PRICKLE2: variants seen among roughly 807,000 people sequenced by gnomAD.
PRICKLE2 encodes prickle planar cell polarity protein 2, also known as prickle-like protein 2.
PRICKLE2 carries 21 observed loss-of-function variants against 81.4 expected under a neutral mutation model. The ratio of observed to expected loss-of-function variants is 0.26; its 90% CI spans 0.18 to 0.37. The LOEUF is 0.37. Ranked by LOEUF, PRICKLE2 falls within the 10% of genes least tolerant of loss-of-function variation. The pLI is 1.00. For missense variants in PRICKLE2, 940 were observed against 1,109.0 expected, an observed-to-expected ratio of 0.85 and a Z score of 2.16; for synonymous variants, 456 against 421.5, an observed-to-expected ratio of 1.08 and a Z score of -1.00.
intron 7 of PRICKLE2, among the ~76,000 whole-genome samples, chr3:64,110,718 G>T (rs1036386568): frequency 2.1e-4 from 32 of 151,988 alleles, no homozygotes; most frequent in African/African-American, 7.5e-4. Flanking sequence ...AAGGTGCCAC[G>T]AGCTCTAAGA....
chr3:64,149,295 A>G (rs924169968), intron 6 of PRICKLE2, among the ~76,000 whole-genome samples: 1 of 152,214 alleles, frequency 6.6e-6, no homozygotes, highest in Non-Finnish European at 1.5e-5. Flanking sequence ...TAGGCCAGCA[A>G]AAAAAATCTG....
chr3:64,244,617 TGTGTGTG>T (rs1179188896), intron 2 of PRICKLE2, among the ~76,000 whole-genome samples: 2 of 151,708 alleles, frequency 1.3e-5, no homozygotes, highest in Non-Finnish European at 2.9e-5. Flanking sequence ...TGTGTGTGTG[TGTGTGTG>T]TGTGTGTGTG....
chr3:64,170,724 A>G (rs998600449), intron 2 of PRICKLE2, among the ~76,000 whole-genome samples: 4 of 150,742 alleles, frequency 2.7e-5, no homozygotes, highest in African/African-American at 4.9e-5. Context: ...AAAAAAAAAA[A>G]ACAGCCTGGC....
intron 6 of PRICKLE2, among the ~76,000 whole-genome samples, chr3:64,151,316 C>T (rs1331823247): frequency 2.6e-5 from 4 of 152,160 alleles, no homozygotes; most frequent in Non-Finnish European, 5.9e-5. Flanking sequence ...TACTGCAGGC[C>T]ACCATGGTCA....
In PRICKLE2 at chr3:64,147,774, G is replaced by C. The variant is rs774959203; in HGVS notation, c.788-72C>G. 2.6e-6 allele frequency: 4 copies of C among 1,545,538 alleles called. No homozygotes were observed. Among genetic ancestry groups the C allele is most frequent in the Non-Finnish European group, 8.9e-7 (1 of 1,119,884 alleles). ...TCTGCACTGGGACGTGAAACACATA[G>C]CACCTTGGTTTGTCTCAGGATTCCA... On this transcript the variant is annotated intron_variant, in intron 6 of 7. Transcript: ENST00000638394. The surrounding 1 kb of genome is among the most constrained non-coding windows in gnomAD (Gnocchi z 5.0).
intron 7 of PRICKLE2, among the ~76,000 whole-genome samples, chr3:64,112,252 C>G (rs1397499245): frequency 6.6e-6 from 1 of 152,148 alleles, no homozygotes; most frequent in Non-Finnish European, 1.5e-5. Context: ...TATGCATTTC[C>G]CACTGGTCTC....
At chr3:64,176,356 G>A (rs1243711028) in intron 2 of PRICKLE2, among the ~76,000 whole-genome samples, 1 of 152,124 alleles carries the variant, frequency 6.6e-6, no homozygotes, top group African/African-American at 2.4e-5. Flanking sequence ...TGTCCTACAT[G>A]GTATCTTTTC....
At chr3:64,237,345 T>C (rs1184517116) in intron 2 of PRICKLE2, among the ~76,000 whole-genome samples, 2 of 152,036 alleles carry the variant, frequency 1.3e-5, no homozygotes, top group Non-Finnish European at 2.9e-5. Flanking sequence ...ATGTGGAGGA[T>C]TTTATTGCCA....
At chr3:64,144,864 G>A (rs1266750343) in intron 7 of PRICKLE2, among the ~76,000 whole-genome samples, 3 of 152,242 alleles carry the variant, frequency 2.0e-5, no homozygotes, top group Admixed American at 6.5e-5. Context: ...GGATGGCACC[G>A]CAACATCGAA....
chr3:64,105,196 C>A (rs1441406344), intron 7 of PRICKLE2, among the ~76,000 whole-genome samples: 2 of 151,588 alleles, frequency 1.3e-5, no homozygotes, highest in Non-Finnish European at 2.9e-5. Flanking sequence ...ACCTCCTCAG[C>A]AGTGTCATTT....
intron 3 of PRICKLE2, among the ~76,000 whole-genome samples, chr3:64,161,071 A>C (rs1034707273): frequency 6.6e-6 from 1 of 152,186 alleles, no homozygotes; most frequent in African/African-American, 2.4e-5. Flanking sequence ...GAAATCCTAA[A>C]ACAGAGATCC....
intron 2 of PRICKLE2, among the ~76,000 whole-genome samples, chr3:64,232,427 A>C (rs1453239274): frequency 1.3e-5 from 2 of 152,214 alleles, no homozygotes; most frequent in African/African-American, 2.4e-5. Context: ...GTTCATTTGC[A>C]TTCCAACATA....
chr3:64,097,335 G>C lies in PRICKLE2; in HGVS notation c.*1716C>G, dbSNP rs1418419031. 6.6e-6 allele frequency: 1 copy of C among 152,492 alleles called. No individual in the cohort carries two copies. Among genetic ancestry groups the C allele is most frequent in the Non-Finnish European group, 1.5e-5 (1 of 68,036 alleles). 9.4% of individuals were successfully genotyped at this position (152,492 alleles called of 1,614,324 possible). A position where few individuals can be genotyped will look rare whatever the true frequency, so the allele number is the denominator to read the frequency against. On this transcript the variant is annotated 3_prime_UTR_variant, in exon 8 of 8. Transcript: ENST00000638394. The stretch of plus-strand genomic sequence containing the variant: ...GACATTCTCTCCATAAAAAATACTA[G>C]AAAATGTTAACTACTATACTGAAAA...
At chr3:64,100,009 G>T in intron 7 of PRICKLE2, 84 bp from the exon 8 acceptor site, 1 of 1,456,254 alleles carries the variant, frequency 6.9e-7, no homozygotes, top group Non-Finnish European at 9.6e-7. Flanking sequence ...ATCTATCTAG[G>T]GTCATTATAT....
chr3:64,139,329 GAGT>G (rs2077325297), intron 7 of PRICKLE2, among the ~76,000 whole-genome samples: 1 of 152,216 alleles, frequency 6.6e-6, no homozygotes, highest in Admixed American at 6.5e-5. Context: ...AAAAAACACA[GAGT>G]AGACCAACCT....
In PRICKLE2 at chr3:64,103,903, C is replaced by A. The variant is rs748533937; in HGVS notation, c.1661-3978G>T. Among the ~76,000 whole-genome samples, 14 of 152,166 alleles carry A rather than the reference C, an allele frequency of 9.2e-5. 1 individual carries two copies. The South Asian group carries it at 1.9e-3, about 20-fold the overall frequency. ...ACTGAGGTGGCAGTATCACCTGAGCCCAGGAGGTGGAGGCTGCAGTGAGCC... is the reference window on the plus strand; with the variant it reads ...ACTGAGGTGGCAGTATCACCTGAGCACAGGAGGTGGAGGCTGCAGTGAGCC... On this transcript the variant is annotated intron_variant, in intron 7 of 7. Coordinates refer to ENST00000638394, the MANE Select transcript of PRICKLE2 (RefSeq NM_198859.4).
intron 2 of PRICKLE2, among the ~76,000 whole-genome samples, chr3:64,183,424 T>C (rs1425749132): frequency 6.6e-6 from 1 of 152,018 alleles, no homozygotes; most frequent in Non-Finnish European, 1.5e-5. Flanking sequence ...GAATAATCTA[T>C]CAAAACTATA....
At chr3:64,245,115 A>G (rs1174262239) in intron 2 of PRICKLE2, among the ~76,000 whole-genome samples, 2 of 152,236 alleles carry the variant, frequency 1.3e-5, no homozygotes, top group Non-Finnish European at 2.9e-5. Context: ...TCTAAGAGAA[A>G]AAATGTGTGT....
chr3:64,196,339 T>C (rs568831811), intron 2 of PRICKLE2, among the ~76,000 whole-genome samples: 7 of 152,236 alleles, frequency 4.6e-5, no homozygotes, highest in African/African-American at 1.7e-4. Flanking sequence ...AAAAGAAAGA[T>C]GGGCTGCTTA....
Sources: allele counts gnomAD v4.1 joint callset (sites outside exome capture counted in the v4.1 genomes callset), GRCh38; gene constraint gnomAD v4.1.1; non-coding constraint Gnocchi (gnomAD v3.1); transcripts MANE v1.5; gene names NCBI Gene and HGNC (gene_info 2026-07-23, HGNC 2026-07-21).